HDHD5: variants seen among roughly 807,000 people sequenced by gnomAD.
The protein encoded by HDHD5 is haloacid dehalogenase like hydrolase domain containing 5.
Under a neutral mutation model 35.5 loss-of-function variants are expected in HDHD5, and 34 were observed. The observed-to-expected ratio is 0.96, with a 90% CI of 0.73 to 1.28. The LOEUF (loss-of-function observed/expected upper bound fraction) is 1.28, where lower values mean the gene tolerates loss of function less well. HDHD5 is among the 50% of genes most tolerant of loss of function. The pLI is 0.00. For synonymous variants in HDHD5, 248 were observed against 240.6 expected (o/e 1.03, Z -0.29); for missense variants, 589 against 560.2 (o/e 1.05, Z -0.52).
At chr22:17,158,195 C>T (rs1427912172) in intron 1 of HDHD5, among the ~76,000 whole-genome samples, 2 of 151,988 alleles carry the variant, frequency 1.3e-5, no homozygotes, top group African/African-American at 2.4e-5. Flanking sequence ...GTGGCGGGTG[C>T]CTGTAATCCC....
rs554363479 is a variant in HDHD5, at chr22:17,156,670, G to A, written c.126+2456C>T. Among the ~76,000 whole-genome samples the A allele has an allele frequency of 5.9e-5, 9 of 151,908 alleles. No homozygotes were observed. In the East Asian group the frequency reaches 7.7e-4, roughly 13 times the overall value. Reference sequence around the variant, plus strand: ...AGGCACCTATACTCCCAGTTACTCCGGAGGCTGAGGCAGGAGAATGATGTG... The same window carrying A: ...AGGCACCTATACTCCCAGTTACTCCAGAGGCTGAGGCAGGAGAATGATGTG... On this transcript the variant is annotated intron_variant, in intron 1 of 7. Transcript: ENST00000336737.
At chr22:17,148,698 A>AGC (rs2061693417) in intron 2 of HDHD5, 138 bp from the exon 3 acceptor site, 1 of 646,732 alleles carries the variant, frequency 1.5e-6, no homozygotes, top group Admixed American at 2.7e-5. Context: ...AGCCCTTTCT[A>AGC]GCACCCAGCA....
chr22:17,159,660 G>C (rs1339682628), upstream of HDHD5: 9 of 344,786 alleles, frequency 2.6e-5, no homozygotes, highest in Non-Finnish European at 4.5e-5. Flanking sequence ...CAGACCCTTA[G>C]TGATGTTCAG....
intron 4 of HDHD5, 52 bp downstream of exon 4, chr22:17,144,972 G>C: frequency 1.2e-6 from 2 of 1,604,662 alleles, no homozygotes; most frequent in Non-Finnish European, 1.7e-6. Context: ...CCAATGCAGG[G>C]CACTGGAGGA....
At chr22:17,159,552 G>A, upstream of HDHD5, 1 of 446,198 alleles carries the variant, frequency 2.2e-6, no homozygotes, top group South Asian at 1.6e-5. Context: ...GCGGATCCCG[G>A]TAACATTGCG....
rs1364969144 is a variant in HDHD5 at position 17,138,701 on chromosome 22, T to C, written c.784A>G (p.Ile262Val). 10 of 1,614,200 alleles carry C rather than the reference T, an allele frequency of 6.2e-6. No individual in the cohort carries two copies. The highest frequency in any genetic ancestry group is 8.5e-6 in the Non-Finnish European group (10 of 1,180,044). Reference protein sequence around the residue: ...HGTFLLCLETIYQKVTGKELR... With the variant: ...HGTFLLCLETVYQKVTGKELR... ...TCCTTGCCCGTCACTTTCTGGTAAA[T>C]GGTTTCCAGGCACAGCAGAAAGGTG... The change falls in exon 7 of 8, where the codon ATT (isoleucine) becomes GTT (valine). Residue 262 changes from isoleucine to valine, a missense_variant. Ile to Val is a conservative substitution (Grantham distance 29). Transcript: ENST00000336737.
intron 1 of HDHD5, among the ~76,000 whole-genome samples, chr22:17,164,305 G>A (rs2061879795): frequency 6.6e-6 from 1 of 151,482 alleles, no homozygotes; most frequent in African/African-American, 2.4e-5. Flanking sequence ...AAATGTGTCT[G>A]CATCTAGATG....
At chr22:17,159,625 T>C, upstream of HDHD5, 1 of 399,174 alleles carries the variant, frequency 2.5e-6, no homozygotes, top group Non-Finnish European at 4.9e-6. Flanking sequence ...GTCTCAACCT[T>C]GACTTCAGGG....
Position 17,138,140 on chromosome 22 carries a change from A to T in HDHD5, c.1153T>A (p.Phe385Ile). The T allele has an allele frequency of 6.2e-7, 1 of 1,614,116 alleles. No homozygotes were observed. The highest frequency in any genetic ancestry group is 8.5e-7 in the Non-Finnish European group (1 of 1,179,986). Residue 385 changes from phenylalanine to isoleucine, a missense_variant, in exon 8 of 8, where the codon TTC becomes ATC. Coordinates refer to ENST00000336737, the MANE Select transcript of HDHD5 (RefSeq NM_033070.3). ...AAGCATAAGTCTCGGTGCCCGTGGA[A>T]TGGAGGCTCCCCTCCTCCAAGGACA... ...EPVLGGGEPP[F>I]HGHRDLCFSP... is the part of the protein sequence containing the mutation.
At chr22:17,160,124 C>T (rs1035921026), upstream of HDHD5, among the ~76,000 whole-genome samples, 5 of 152,196 alleles carry the variant, frequency 3.3e-5, no homozygotes, top group African/African-American at 9.7e-5. Context: ...TTGGCCCATT[C>T]ATAGGTATAG....
chr22:17,164,049 C>T (rs1261231034), upstream of HDHD5, among the ~76,000 whole-genome samples: 2 of 152,114 alleles, frequency 1.3e-5, no homozygotes, highest in African/African-American at 2.4e-5. Context: ...GGTGAAACCA[C>T]GTCTCTACTA....
chr22:17,156,765 G>A (rs2061797065), intron 1 of HDHD5, among the ~76,000 whole-genome samples: 1 of 149,498 alleles, frequency 6.7e-6, no homozygotes. Flanking sequence ...AACAGAGCGA[G>A]CGAGACTCCG....
chr22:17,145,008 C>T lies in HDHD5; in HGVS notation c.537+16G>A, dbSNP rs1342726138. ...GTGAAGGATGAAGACACAGCCCAACCCATGCTCCTTATTACCGTGGTCTTT... is the reference window on the plus strand; with the variant it reads ...GTGAAGGATGAAGACACAGCCCAACTCATGCTCCTTATTACCGTGGTCTTT... On this transcript the variant is annotated intron_variant, in intron 4 of 7. Transcript: ENST00000336737. 2 of 1,613,474 alleles carry T rather than the reference C, an allele frequency of 1.2e-6. No homozygotes were observed. The highest frequency in any genetic ancestry group is 2.7e-5 in the African/African-American group (2 of 74,756).
intron 1 of HDHD5, among the ~76,000 whole-genome samples, chr22:17,153,328 T>C (rs1299463861): frequency 1.3e-5 from 2 of 152,018 alleles, no homozygotes; most frequent in African/African-American, 4.8e-5. Context: ...TCAGCAAGGG[T>C]CACCCAGTTC....
chr22:17,144,938 G>A (rs2061643800), intron 4 of HDHD5, 86 bp downstream of exon 4: 1 of 1,492,036 alleles, frequency 6.7e-7, no homozygotes, highest in Non-Finnish European at 9.2e-7. Context: ...CTCTGCAGGA[G>A]GGCTTGCAAG....
chr22:17,144,954 C>A (rs1313510655), intron 4 of HDHD5, 70 bp downstream of exon 4: 1 of 1,568,026 alleles, frequency 6.4e-7, no homozygotes, highest in Non-Finnish European at 8.7e-7. Flanking sequence ...GCAAGGTCAG[C>A]GACACAGCCA....
upstream of HDHD5, among the ~76,000 whole-genome samples, chr22:17,161,028 G>A (rs1332142754): frequency 6.6e-6 from 1 of 152,106 alleles, no homozygotes; most frequent in African/African-American, 2.4e-5. Context: ...GCCAAGTCAG[G>A]CGGATCATCT....
intron 4 of HDHD5, 122 bp downstream of exon 4, chr22:17,144,902 T>C: frequency 8.1e-7 from 1 of 1,232,854 alleles, no homozygotes; most frequent in South Asian, 1.3e-5. Context: ...CAGATGTGCC[T>C]CCAAAGAAGC....
Position 17,137,755 on chromosome 22 carries a change from A to C in HDHD5, c.*266T>G. On this transcript the variant is annotated 3_prime_UTR_variant, in exon 8 of 8. Transcript: ENST00000336737. ...GAAGGACACTGAGGCACACAGGGGA[A>C]GAGAATGGCCTGAGGTTAGACTGCC... 1 of 441,976 alleles carries C rather than the reference A, an allele frequency of 2.3e-6. No individual in the cohort carries two copies. The highest frequency in any genetic ancestry group is 4.1e-6 in the Non-Finnish European group (1 of 242,482). The allele number at this position is 441,976 out of a possible 1,614,324, so 27.4% of individuals were successfully genotyped here.
Sources: gnomAD v4.1 joint callset for allele counts (sites outside exome capture counted in the v4.1 genomes callset) on GRCh38, gnomAD v4.1.1 for gene constraint, MANE v1.5 for transcripts, NCBI Gene and HGNC (gene_info 2026-07-23, HGNC 2026-07-21) for gene names.